Variants in NR3C2 observed in about 807,000 individuals in gnomAD.
NR3C2 encodes mineralocorticoid receptor.
In NR3C2, 15 loss-of-function variants were observed where a neutral mutation model predicts 86.4. That is an observed-to-expected ratio of 0.17 (90% confidence interval 0.12 to 0.27). The LOEUF is 0.27. NR3C2 is among the 10% of genes least tolerant of loss of function. The pLI, the probability that NR3C2 is intolerant of heterozygous loss-of-function variation, is 1.00. For missense variants in NR3C2, 960 were observed against 1,195.6 expected (o/e 0.80, Z 2.91); for synonymous variants, 458 against 450.5 (o/e 1.02, Z -0.21).
chr4:148,318,685 T>C (rs531513904), intron 2 of NR3C2, among the ~76,000 whole-genome samples: 1 of 152,238 alleles, frequency 6.6e-6, no homozygotes, highest in South Asian at 2.1e-4. Context: ...TTATGAAAAG[T>C]GTCTGTTCAT....
At chr4:148,397,094 T>A (rs1747895991) in intron 2 of NR3C2, among the ~76,000 whole-genome samples, 1 of 152,206 alleles carries the variant, frequency 6.6e-6, no homozygotes, top group South Asian at 2.1e-4. Context: ...ACACCATGGA[T>A]TATATACAAC....
intron 8 of NR3C2, among the ~76,000 whole-genome samples, chr4:148,104,727 T>C (rs941240231): frequency 5.3e-5 from 8 of 152,214 alleles, no homozygotes; most frequent in African/African-American, 1.9e-4. Flanking sequence ...TCTTGGTTCT[T>C]GTGTTATTTC....
intron 4 of NR3C2, among the ~76,000 whole-genome samples, chr4:148,174,747 C>A (rs1735288337): frequency 6.6e-6 from 1 of 152,150 alleles, no homozygotes; most frequent in Non-Finnish European, 1.5e-5. Flanking sequence ...GAATCACAAG[C>A]CATGCCAGGG....
chr4:148,292,322 T>C (rs1217485422), intron 2 of NR3C2, among the ~76,000 whole-genome samples: 1 of 152,088 alleles, frequency 6.6e-6, no homozygotes, highest in Non-Finnish European at 1.5e-5. Flanking sequence ...GTTCTAGATT[T>C]ACCTCTTACG....
chr4:148,388,459 C>T (rs761220821), intron 2 of NR3C2, among the ~76,000 whole-genome samples: 9 of 152,106 alleles, frequency 5.9e-5, no homozygotes, highest in Non-Finnish European at 7.4e-5. Context: ...AAATGCTCAA[C>T]CTATGTGGAG....
intron 4 of NR3C2, among the ~76,000 whole-genome samples, chr4:148,175,030 T>C (rs920604416): frequency 2.0e-5 from 3 of 152,180 alleles, no homozygotes; most frequent in African/African-American, 7.2e-5. Context: ...TGTAAGGCTA[T>C]GTTAGGGTTG....
At chr4:148,318,091 G>A (rs1474166622) in intron 2 of NR3C2, among the ~76,000 whole-genome samples, 2 of 142,200 alleles carry the variant, frequency 1.4e-5, no homozygotes, top group Admixed American at 7.6e-5. Context: ...TGATCTTACT[G>A]TTCAATTCCC....
At chr4:148,209,501 G>A (rs1037511133) in intron 3 of NR3C2, among the ~76,000 whole-genome samples, 4 of 152,148 alleles carry the variant, frequency 2.6e-5, no homozygotes, top group Middle Eastern at 3.4e-3. Context: ...TCTGACTATC[G>A]TGCACAGGCT....
At chr4:148,160,221 C>G (rs550055153) in intron 4 of NR3C2, among the ~76,000 whole-genome samples, 1 of 152,088 alleles carries the variant, frequency 6.6e-6, no homozygotes, top group Non-Finnish European at 1.5e-5. Context: ...TGAATTGTTC[C>G]CCGAGGAACT....
At chr4:148,129,233 C>T (rs1663644059) in intron 6 of NR3C2, among the ~76,000 whole-genome samples, 1 of 152,162 alleles carries the variant, frequency 6.6e-6, no homozygotes, top group African/African-American at 2.4e-5. Context: ...ATGGATGAAG[C>T]TTCATATTAT....
At chr4:148,313,060 G>A (rs1454116815) in intron 2 of NR3C2, among the ~76,000 whole-genome samples, 1 of 152,086 alleles carries the variant, frequency 6.6e-6, no homozygotes, top group Non-Finnish European at 1.5e-5. Flanking sequence ...TTGTTTAAAT[G>A]ACCCAGGACT....
rs200085890 is a variant in NR3C2, at chr4:148,154,762, C to A, written c.2154G>T (p.Ser718=). 7.0e-7 allele frequency: 1 copy of A among 1,432,778 alleles called. No homozygotes were observed. The highest frequency in any genetic ancestry group is 9.3e-7 in the Non-Finnish European group (1 of 1,077,214). 88.8% of individuals were successfully genotyped at this position (1,432,778 alleles called of 1,614,324 possible). The change falls in exon 5 of 9, where the codon TCG becomes TCT. Residue 718 remains serine (S), a synonymous_variant. Transcript: ENST00000358102. ...TTYIAPAKEP[S]VNTALVPQLS... ...GCTGAGGAACCAGTGCTGTGTTGAC[C>A]GAGGGTTCTTTTGCAGGAGCGATGT... is the stretch of plus-strand genomic sequence containing the variant.
intron 2 of NR3C2, among the ~76,000 whole-genome samples, chr4:148,300,705 C>T (rs879623090): frequency 2.0e-5 from 3 of 151,312 alleles, no homozygotes; most frequent in Non-Finnish European, 2.9e-5. Context: ...CCCAAGTAGC[C>T]GGGATTACAG....
At chr4:148,196,289 G>A (rs1156774763) in intron 3 of NR3C2, among the ~76,000 whole-genome samples, 1 of 152,180 alleles carries the variant, frequency 6.6e-6, no homozygotes, top group African/African-American at 2.4e-5. Flanking sequence ...GGTTTATGAG[G>A]AATGACCCCA....
At chr4:148,434,011 T>A (rs1390753736) in intron 2 of NR3C2, among the ~76,000 whole-genome samples, 1 of 152,134 alleles carries the variant, frequency 6.6e-6, no homozygotes, top group Non-Finnish European at 1.5e-5. Flanking sequence ...ATACATAAAG[T>A]TTTTGCTTTT....
At chr4:148,213,255 C>T (rs1425929992) in intron 3 of NR3C2, among the ~76,000 whole-genome samples, 1 of 151,914 alleles carries the variant, frequency 6.6e-6, no homozygotes, top group African/African-American at 2.4e-5. Flanking sequence ...GATTAAATAG[C>T]TGTACAATAA....
At chr4:148,445,309 C>T (rs1331647735), upstream of NR3C2, among the ~76,000 whole-genome samples, 3 of 151,680 alleles carry the variant, frequency 2.0e-5, no homozygotes, top group African/African-American at 7.3e-5. Flanking sequence ...CTCGGCTGCC[C>T]ACCCCGCCAG....
chr4:148,287,208 C>T (rs190607081), intron 2 of NR3C2, among the ~76,000 whole-genome samples: 1 of 152,300 alleles, frequency 6.6e-6, no homozygotes, highest in East Asian at 1.9e-4. Context: ...CTGATCAGAG[C>T]CATTACTACT....
chr4:148,195,073 A>G (rs1578998458), intron 3 of NR3C2, among the ~76,000 whole-genome samples: 1 of 152,190 alleles, frequency 6.6e-6, no homozygotes, highest in East Asian at 1.9e-4. Context: ...CATTACACTT[A>G]TTTTCAAACA....
Sources: allele counts gnomAD v4.1 joint callset (sites outside exome capture counted in the v4.1 genomes callset), GRCh38; gene constraint gnomAD v4.1.1; transcripts MANE v1.5; gene names NCBI Gene and HGNC (gene_info 2026-07-23, HGNC 2026-07-21).